Variants in XNDC1N observed in about 807,000 individuals in gnomAD.
XNDC1N encodes protein XNDC1N.
chr11:71,918,244 A>G, the XNDC1N span, among the ~76,000 whole-genome samples: 72 of 152,178 alleles, frequency 4.7e-4, no homozygotes, highest in African/African-American at 1.6e-3. Context: ...TCCTCCTGAC[A>G]CAGATATTTA....
chr11:71,898,770 A>T, the XNDC1N span, among the ~76,000 whole-genome samples: 2 of 152,140 alleles, frequency 1.3e-5, no homozygotes, highest in Admixed American at 6.5e-5. Flanking sequence ...GAAAGATAAA[A>T]CTGTTCTGGA....
the XNDC1N span, among the ~76,000 whole-genome samples, chr11:71,907,409 C>T: frequency 4.0e-5 from 6 of 149,436 alleles, no homozygotes; most frequent in Admixed American, 3.3e-4. Flanking sequence ...GCTCTTAAGA[C>T]CCCCATCGCA....
the XNDC1N span, among the ~76,000 whole-genome samples, chr11:71,906,298 A>G: frequency 1.0e-3 from 154 of 152,080 alleles, no homozygotes; most frequent in African/African-American, 3.5e-3. Flanking sequence ...TATGAATACT[A>G]TCACAGGGTG....
chr11:71,872,283 C>T, the XNDC1N span, among the ~76,000 whole-genome samples: 1 of 152,170 alleles, frequency 6.6e-6, no homozygotes, highest in Non-Finnish European at 1.5e-5. Flanking sequence ...TAAGCCTCAT[C>T]CCACAGAAAC....
chr11:71,907,366 G>A, the XNDC1N span, among the ~76,000 whole-genome samples: 11 of 151,628 alleles, frequency 7.3e-5, no homozygotes, highest in East Asian at 7.9e-4. Flanking sequence ...CCCGCGATGC[G>A]GGGAGTAAGA....
chr11:71,886,603 G>A, the XNDC1N span, among the ~76,000 whole-genome samples: 4 of 152,146 alleles, frequency 2.6e-5, no homozygotes, highest in African/African-American at 7.2e-5. Flanking sequence ...GAGGCCTATC[G>A]TATGTATACT....
the XNDC1N span, among the ~76,000 whole-genome samples, chr11:71,887,823 T>C: frequency 5.3e-5 from 8 of 152,204 alleles, no homozygotes; most frequent in Admixed American, 3.3e-4. Context: ...TCCACATTGT[T>C]GGGGTTCCCG....
chr11:71,873,397 A>G, the XNDC1N span, among the ~76,000 whole-genome samples: 6 of 152,296 alleles, frequency 3.9e-5, no homozygotes, highest in Non-Finnish European at 8.8e-5. Context: ...TTGTGTTTGA[A>G]TATCTCTATG....
the XNDC1N span, among the ~76,000 whole-genome samples, chr11:71,897,155 G>A: frequency 7.2e-5 from 11 of 152,154 alleles, no homozygotes; most frequent in Non-Finnish European, 1.0e-4. Context: ...ACGCTTTCAT[G>A]ACATCAGATT....
the XNDC1N span, among the ~76,000 whole-genome samples, chr11:71,901,050 G>C: frequency 6.6e-6 from 1 of 152,180 alleles, no homozygotes; most frequent in South Asian, 2.1e-4. Context: ...AGCTAGACCA[G>C]TGGGTGCCAC....
chr11:71,928,059 G>A, the XNDC1N span: 3 of 183,854 alleles, frequency 1.6e-5, no homozygotes, highest in Admixed American at 1.7e-4. Context: ...AGTTATGAAG[G>A]TATACGTAGG....
the XNDC1N span, among the ~76,000 whole-genome samples, chr11:71,885,996 G>C: frequency 6.6e-6 from 1 of 151,890 alleles, no homozygotes; most frequent in Non-Finnish European, 1.5e-5. Context: ...ATTAATAATT[G>C]AGATTATTAA....
chr11:71,917,769 A>T, the XNDC1N span: 7 of 703,322 alleles, frequency 1.0e-5, no homozygotes, highest in Non-Finnish European at 1.8e-5. Context: ...ACGCACAGCC[A>T]CAGTTACCTG....
chr11:71,910,781 T>TCTAA, the XNDC1N span, among the ~76,000 whole-genome samples: 1 of 152,124 alleles, frequency 6.6e-6, no homozygotes, highest in East Asian at 1.9e-4. Flanking sequence ...AGGGGAGAAT[T>TCTAA]CTTAGGAGCT....
At chr11:71,913,299 A>C in the XNDC1N span, among the ~76,000 whole-genome samples, 7 of 151,628 alleles carry the variant, frequency 4.6e-5, no homozygotes, top group Middle Eastern at 0.01. Context: ...CCCTCTGAAA[A>C]TAGGAAGATT....
chr11:71,920,978 A>G, the XNDC1N span, among the ~76,000 whole-genome samples: 1 of 152,140 alleles, frequency 6.6e-6, no homozygotes, highest in Non-Finnish European at 1.5e-5. Flanking sequence ...AAGTAAATAA[A>G]TAAGTAAATA....
the XNDC1N span, among the ~76,000 whole-genome samples, chr11:71,897,030 C>G: frequency 6.6e-6 from 1 of 152,102 alleles, no homozygotes. Context: ...TTTCCACATA[C>G]AGAAGAATGA....
chr11:71,891,806 G>T, the XNDC1N span, among the ~76,000 whole-genome samples: 1 of 151,852 alleles, frequency 6.6e-6, no homozygotes. Context: ...AATATCATCG[G>T]GGCTGAACAC....
chr11:71,919,377 G>T, the XNDC1N span, among the ~76,000 whole-genome samples: 2 of 135,358 alleles, frequency 1.5e-5, no homozygotes, highest in Non-Finnish European at 3.1e-5. Flanking sequence ...CCAGGTTTCG[G>T]AAAGCAGAGC....
Sources: allele counts gnomAD v4.1 joint callset (sites outside exome capture counted in the v4.1 genomes callset), GRCh38; gene constraint gnomAD v4.1.1; transcripts MANE v1.5; gene names NCBI Gene and HGNC (gene_info 2026-07-23, HGNC 2026-07-21).